The following MUC15 variants were observed in gnomAD, a reference collection of about 807,000 sequenced individuals.
MUC15 encodes the protein mucin-15.
MUC15 carries 23 observed loss-of-function variants against 24.0 expected under a neutral mutation model. The ratio of observed to expected loss-of-function variants is 0.96; its 90% CI spans 0.69 to 1.36. MUC15 has a LOEUF of 1.36. Among genes scored for constraint, MUC15 ranks in the 40% most tolerant of loss-of-function variants. The probability of loss-of-function intolerance (pLI) is 0.00; values close to 1 mark genes in which losing one functional copy is unlikely to be tolerated. For synonymous variants in MUC15, 151 were observed against 156.3 expected (o/e 0.97, Z 0.25); for missense variants, 442 against 428.2 (o/e 1.03, Z -0.29).
intron 2 of MUC15, 140 bp downstream of exon 2, chr11:26,566,912 G>A: frequency 1.2e-5 from 8 of 650,266 alleles, no homozygotes; most frequent in Non-Finnish European, 1.8e-5. Context: ...GCTGACTTAG[G>A]TAGCAGCACT....
At chr11:26,569,701 G>T (rs1051813531) in intron 1 of MUC15, among the ~76,000 whole-genome samples, 4 of 152,064 alleles carry the variant, frequency 2.6e-5, no homozygotes, top group Non-Finnish European at 4.4e-5. Context: ...ACTTTCGTGT[G>T]TGCTTTCCTT....
At chr11:26,566,034 T>A in intron 2 of MUC15, 138 bp from the exon 3 acceptor site, 6 of 911,106 alleles carry the variant, frequency 6.6e-6, no homozygotes, top group Non-Finnish European at 7.8e-6. Context: ...CAAAATTGCT[T>A]ATTTTGGATT....
chr11:26,564,728 CACACATATATATATATAT>C (rs1487020517), intron 3 of MUC15, among the ~76,000 whole-genome samples: 121 of 36,094 alleles, frequency 3.4e-3, no homozygotes, highest in African/African-American at 4.3e-3. Context: ...CACACACACA[CACACATATATATATATAT>C]ATATATATAT....
intron 3 of MUC15, among the ~76,000 whole-genome samples, chr11:26,564,249 T>C (rs1277756766): frequency 6.6e-6 from 1 of 151,654 alleles, no homozygotes; most frequent in Non-Finnish European, 1.5e-5. Context: ...TAGTTAAATG[T>C]ACATATACAA....
rs950056317 is a variant in MUC15, at chr11:26,572,206, TG to T, written c.-212del. ...AAATTAGGTGGGGCTGGCTGTATCTTGCTTGTGTAACAGAGCGCCCAGGAAC... is the reference window on the plus strand; with the variant it reads ...AAATTAGGTGGGGCTGGCTGTATCTTCTTGTGTAACAGAGCGCCCAGGAAC... On this transcript the variant is annotated 5_prime_UTR_variant, in exon 1 of 5. An upstream open reading frame in the 5' UTR gains an earlier in-frame stop. Coordinates refer to ENST00000529533, the MANE Select transcript of MUC15 (RefSeq NM_001135091.2). 1.8e-5 allele frequency: 18 copies of T among 985,370 alleles called. No homozygotes were observed. Among genetic ancestry groups the T allele is most frequent in the Non-Finnish European group, 2.2e-5 (18 of 830,060 alleles). The allele number at this position is 985,370 out of a possible 1,614,324, so 61.0% of individuals were successfully genotyped here.
At chr11:26,566,008 TATC>T (rs1207164918) in intron 2 of MUC15, 112 bp from the exon 3 acceptor site, 74 of 1,107,990 alleles carry the variant, frequency 6.7e-5, no homozygotes, top group Non-Finnish European at 8.2e-5. Context: ...GAGATGGTAA[TATC>T]ATATTTTTAT....
intron 4 of MUC15, 61 bp from the exon 5 acceptor site, chr11:26,561,286 C>A: frequency 7.8e-7 from 1 of 1,275,388 alleles, no homozygotes; most frequent in Non-Finnish European, 1.1e-6. Flanking sequence ...CATGTTCAGG[C>A]ATCCACCAAG....
Position 26,567,099 on chromosome 11 carries a change from C to A in MUC15, c.-5G>T. The A allele has an allele frequency of 6.8e-7, 1 of 1,474,818 alleles. No homozygotes were observed. The highest frequency in any genetic ancestry group is 9.0e-7 in the Non-Finnish European group (1 of 1,106,390). The allele number at this position is 1,474,818 out of a possible 1,614,324, so 91.4% of individuals were successfully genotyped here. A position where few individuals can be genotyped will look rare whatever the true frequency, so the allele number is the denominator to read the frequency against. On this transcript the variant is annotated 5_prime_UTR_variant, in exon 2 of 5. Coordinates refer to ENST00000529533, the MANE Select transcript of MUC15 (RefSeq NM_001135091.2). ...AATAGATTGTATTATGCCCATTTTG[C>A]AGATGAAGAAACTGAAGCTCACAAT...
chr11:26,565,956 G>A, intron 2 of MUC15, 60 bp from the exon 3 acceptor site: 1 of 1,373,032 alleles, frequency 7.3e-7, no homozygotes, highest in Non-Finnish European at 9.7e-7. Flanking sequence ...TTTTTAAATG[G>A]ATCTATATAT....
At chr11:26,566,394 A>G (rs1480659182) in intron 2 of MUC15, among the ~76,000 whole-genome samples, 1 of 152,018 alleles carries the variant, frequency 6.6e-6, no homozygotes, top group African/African-American at 2.4e-5. Context: ...CATTAAATGC[A>G]CCATATATTA....
At position 26,560,757 on chromosome 11, in the gene MUC15, A is replaced by G. The variant is rs146331140; in HGVS notation, c.*308T>C. 1.3e-3 allele frequency: 303 copies of G among 224,818 alleles called. No individual in the cohort carries two copies. The highest frequency in any genetic ancestry group is 6.6e-3 in the African/African-American group (285 of 43,324). The allele number at this position is 224,818 out of a possible 1,614,324, so 13.9% of individuals were successfully genotyped here. A position where few individuals can be genotyped will look rare whatever the true frequency, so the allele number is the denominator to read the frequency against. On this transcript the variant is annotated 3_prime_UTR_variant, in exon 5 of 5. Transcript: ENST00000529533. ...GAATAATTTTTATTATTTAGTTATG[A>G]GGCAGGGCTGTAATGGTGAAATCTT...
intron 1 of MUC15, among the ~76,000 whole-genome samples, chr11:26,568,172 A>G (rs914002722): frequency 2.0e-5 from 3 of 152,094 alleles, no homozygotes; most frequent in Non-Finnish European, 4.4e-5. Flanking sequence ...ATTGGAAAGT[A>G]TATTACTATT....
chr11:26,565,544 G>A lies in MUC15; in HGVS notation c.396C>T (p.Thr132=), dbSNP rs1359596588. ...GGATCAAGGGAGGGCTTGTGGAAATGGTAGATGTGGGTTTTAGACTGCCCA... is the reference window on the plus strand; with the variant it reads ...GGATCAAGGGAGGGCTTGTGGAAATAGTAGATGTGGGTTTTAGACTGCCCA... ...HSLGSLKPTS[T]ISTSPPLIHS... is the part of the protein sequence containing the mutation. Residue 132 remains threonine (T), a synonymous_variant, in exon 3 of 5, where the codon ACC becomes ACT. Coordinates refer to ENST00000529533, the MANE Select transcript of MUC15 (RefSeq NM_001135091.2). The A allele has an allele frequency of 1.9e-6, 3 of 1,613,330 alleles. No homozygotes were observed. Among genetic ancestry groups the A allele is most frequent in the Admixed American group, 1.7e-5 (1 of 59,896 alleles).
At chr11:26,566,650 G>T (rs763272356) in intron 2 of MUC15, among the ~76,000 whole-genome samples, 16 of 151,860 alleles carry the variant, frequency 1.1e-4, no homozygotes, top group Admixed American at 2.6e-4. Flanking sequence ...TGGTTGGGGT[G>T]TGTGTGGGAA....
At chr11:26,561,266 C>G in intron 4 of MUC15, 41 bp from the exon 5 acceptor site, 1 of 1,459,416 alleles carries the variant, frequency 6.9e-7, no homozygotes, top group Non-Finnish European at 9.2e-7. Flanking sequence ...CAGTGATACT[C>G]TGAAAGATTC....
intron 3 of MUC15, among the ~76,000 whole-genome samples, chr11:26,564,706 C>T (rs1241904777): frequency 9.0e-5 from 6 of 66,680 alleles, no homozygotes; most frequent in Admixed American, 2.2e-4. Context: ...CACACACACA[C>T]ACACACACAC....
chr11:26,567,088 T>G lies in MUC15; in HGVS notation c.7A>C (p.Ile3Leu). 1 of 1,487,802 alleles carries G rather than the reference T, an allele frequency of 6.7e-7. No homozygotes were observed. The highest frequency in any genetic ancestry group is 9.0e-7 in the Non-Finnish European group (1 of 1,113,158). The allele number at this position is 1,487,802 out of a possible 1,614,324, so 92.2% of individuals were successfully genotyped here. A position where few individuals can be genotyped will look rare whatever the true frequency, so the allele number is the denominator to read the frequency against. The change falls in exon 2 of 5, where the codon ATA becomes CTA. Residue 3 changes from isoleucine (I) to leucine (L), a missense_variant. By Grantham distance (5) the Ile-to-Leu change is conservative. Coordinates refer to ENST00000529533, the MANE Select transcript of MUC15 (RefSeq NM_001135091.2). ...GATGTGGCAAGAATAGATTGTATTA[T>G]GCCCATTTTGCAGATGAAGAAACTG... MG[I>L]IQSILATSRD... is the part of the protein sequence containing the mutation.
At chr11:26,569,583 G>A (rs530092886) in intron 1 of MUC15, among the ~76,000 whole-genome samples, 2 of 152,154 alleles carry the variant, frequency 1.3e-5, no homozygotes, top group South Asian at 2.1e-4. Flanking sequence ...AGATTTGGCC[G>A]AAGTTTGACC....
intron 3 of MUC15, 122 bp from the exon 4 acceptor site, chr11:26,563,387 T>TTCTC (rs768122711): frequency 2.4e-5 from 21 of 889,788 alleles, no homozygotes; most frequent in African/African-American, 7.0e-5. Context: ...AATGGTGTGT[T>TTCTC]TCTCTCTCTG....
Sources: allele counts gnomAD v4.1 joint callset (sites outside exome capture counted in the v4.1 genomes callset), GRCh38; gene constraint gnomAD v4.1.1; transcripts MANE v1.5; gene names NCBI Gene and HGNC (gene_info 2026-07-23, HGNC 2026-07-21).